ANO1: variants seen among roughly 807,000 people sequenced by gnomAD.
The protein encoded by ANO1 is anoctamin-1.
A neutral mutation model predicts 124.0 loss-of-function variants in ANO1; 59 were observed. That is an observed-to-expected ratio of 0.48 (90% CI 0.39 to 0.59). ANO1 has a LOEUF of 0.59. Ranked by LOEUF, ANO1 falls within the 20% of genes least tolerant of loss-of-function variation. The pLI is 0.00. For synonymous variants in ANO1, 529 were observed against 532.0 expected, an observed-to-expected ratio of 0.99 and a Z score of 0.08; for missense variants, 1,059 against 1,328.0, an observed-to-expected ratio of 0.80 and a Z score of 3.15.
In ANO1 at chr11:70,071,174, A is replaced by T. The variant is rs1196499803; in HGVS notation, c.59-7368A>T. ...TTGTAATTAAAGGCTACTCTGTCCTAATATTTCGGGAATGTGCTGTGATTG... is the reference window on the plus strand; with the variant it reads ...TTGTAATTAAAGGCTACTCTGTCCTTATATTTCGGGAATGTGCTGTGATTG... On this transcript the variant is annotated intron_variant, in intron 1 of 27. Transcript: ENST00000531349. Among the ~76,000 whole-genome samples, 3 of 152,204 alleles carry T rather than the reference A, an allele frequency of 2.0e-5. No homozygotes were observed. The East Asian group carries it at 5.8e-4, about 29-fold the overall frequency.
At chr11:70,050,083 C>T (rs1555006146) in intron 1 of ANO1, among the ~76,000 whole-genome samples, 1 of 152,196 alleles carries the variant, frequency 6.6e-6, no homozygotes, top group African/African-American at 2.4e-5. Flanking sequence ...TCTTCCATCC[C>T]TGGAGATGAC....
rs868989997 is a variant in ANO1, at chr11:70,010,179, G to A, written c.58+24013G>A. Among the ~76,000 whole-genome samples, 60 of 83,782 alleles carry A rather than the reference G, an allele frequency of 7.2e-4. 5 individuals are homozygous for A. The highest frequency in any genetic ancestry group is 4.3e-3 in the South Asian group (9 of 2,110). The allele number at this position is 83,782 out of a possible 152,430, so 55.0% of individuals were successfully genotyped here. A position where few individuals can be genotyped will look rare whatever the true frequency, so the allele number is the denominator to read the frequency against. On this transcript the variant is annotated intron_variant, in intron 1 of 27. Coordinates refer to the ANO1 transcript ENST00000531349. Reference sequence around the variant, plus strand: ...TGTGTGTGTGTGCGCGTGTGTGTGTGTATATATATATATATATATCACATT... The same window carrying A: ...TGTGTGTGTGTGCGCGTGTGTGTGTATATATATATATATATATATCACATT...
At chr11:70,028,064 T>G (rs1856940644) in intron 1 of ANO1, among the ~76,000 whole-genome samples, 1 of 152,136 alleles carries the variant, frequency 6.6e-6, no homozygotes, top group Admixed American at 6.5e-5. Flanking sequence ...AAAGTTAAGG[T>G]ACTACTGATT....
intron 3 of ANO1, 145 bp from the exon 4 acceptor site, chr11:70,103,854 G>A: frequency 1.2e-6 from 1 of 816,592 alleles, no homozygotes; most frequent in Non-Finnish European, 1.8e-6. Context: ...GGGTGGGGCG[G>A]TGCATTCTGG....
At chr11:70,048,338 A>G (rs1174717423) in intron 1 of ANO1, among the ~76,000 whole-genome samples, 1 of 152,210 alleles carries the variant, frequency 6.6e-6, no homozygotes, top group African/African-American at 2.4e-5. Context: ...TTAAGGTTGA[A>G]TAAAGTTTAA....
chr11:70,124,821 C>T (rs1349215291), intron 9 of ANO1, among the ~76,000 whole-genome samples: 2 of 152,200 alleles, frequency 1.3e-5, no homozygotes, highest in East Asian at 1.9e-4. Flanking sequence ...GGTTAGGCAA[C>T]TTGCCCGCCA....
chr11:69,966,168 G>A, the ANO1 span, among the ~76,000 whole-genome samples: 3 of 152,242 alleles, frequency 2.0e-5, no homozygotes, highest in African/African-American at 4.8e-5. Flanking sequence ...AATGCAGGCT[G>A]TGAAACAGGG....
intron 22 of ANO1, among the ~76,000 whole-genome samples, chr11:70,177,513 C>T (rs942944034): frequency 6.6e-6 from 1 of 151,928 alleles, no homozygotes. Context: ...CCGGGCACCA[C>T]AGCCAGCTGT....
At chr11:70,178,406 C>G (rs2048811249) in intron 22 of ANO1, among the ~76,000 whole-genome samples, 1 of 152,088 alleles carries the variant, frequency 6.6e-6, no homozygotes. Flanking sequence ...AAACTGAGGA[C>G]CACTGCACTC....
chr11:70,033,133 G>A (rs576039047), intron 1 of ANO1, among the ~76,000 whole-genome samples: 2 of 152,282 alleles, frequency 1.3e-5, no homozygotes, highest in East Asian at 3.9e-4. Context: ...GTAGATCCAG[G>A]GGTCAGGCTC....
chr11:70,085,553 C>T (rs1412160947), intron 1 of ANO1: 1 of 1,536,092 alleles, frequency 6.5e-7, no homozygotes, highest in Non-Finnish European at 8.7e-7. Flanking sequence ...GTGAGCAATG[C>T]TGTTTCCAGG....
intron 15 of ANO1, among the ~76,000 whole-genome samples, chr11:70,156,321 G>T (rs959059475): frequency 6.6e-6 from 1 of 152,084 alleles, no homozygotes; most frequent in Non-Finnish European, 1.5e-5. Flanking sequence ...TGTCATGCCC[G>T]TCTGCATTCT....
At position 70,180,008 on chromosome 11, in the gene ANO1, C is replaced by T. The variant is rs1331630788; in HGVS notation, c.2355C>T (p.Ile785=). 1 of 1,612,744 alleles carries T rather than the reference C, an allele frequency of 6.2e-7. No homozygotes were observed. The highest frequency in any genetic ancestry group is 8.5e-7 in the Non-Finnish European group (1 of 1,178,792). The part of the protein sequence containing the change: ...PVAVRAKDIG[I]WYNILRGIGK... ...TGTGACTTCTTCTTCCCCCAGGAAT[C>T]TGGTACAATATCCTCAGAGGCATTG... is the stretch of plus-strand genomic sequence containing the variant. Residue 785 remains isoleucine, a synonymous_variant, in exon 23 of 26, where the codon ATC becomes ATT. Coordinates refer to ENST00000355303, the MANE Select transcript of ANO1 (RefSeq NM_018043.7).
intron 1 of ANO1, among the ~76,000 whole-genome samples, chr11:70,024,719 A>T (rs1555002989): frequency 6.6e-6 from 1 of 152,208 alleles, no homozygotes; most frequent in Non-Finnish European, 1.5e-5. Flanking sequence ...CAGCTTGCAG[A>T]GCTGCCTCTG....
intron 22 of ANO1, among the ~76,000 whole-genome samples, chr11:70,174,985 G>A (rs1475225424): frequency 1.3e-5 from 2 of 152,150 alleles, no homozygotes; most frequent in Non-Finnish European, 2.9e-5. Flanking sequence ...AAGGCCTGAT[G>A]CTCAGGCAGC....
chr11:70,085,039 CCTA>C (rs1477508992), intron 1 of ANO1, among the ~76,000 whole-genome samples: 1 of 152,174 alleles, frequency 6.6e-6, no homozygotes, highest in Non-Finnish European at 1.5e-5. Flanking sequence ...AGTCGCGGCT[CCTA>C]CTAAGGGGGG....
chr11:70,102,982 T>C, intron 2 of ANO1, 84 bp from the exon 3 acceptor site: 1 of 934,918 alleles, frequency 1.1e-6, no homozygotes, highest in Non-Finnish European at 1.6e-6. Context: ...GCTCGATAAA[T>C]TGTGGTGGCC....
At chr11:69,968,110 G>A in the ANO1 span, among the ~76,000 whole-genome samples, 2 of 152,124 alleles carry the variant, frequency 1.3e-5, no homozygotes, top group Admixed American at 6.5e-5. Context: ...AAGGTTTATC[G>A]AGTGAATGAA....
At position 70,078,727 on chromosome 11, in the gene ANO1, G is replaced by A; in HGVS notation, c.108+13G>A. ...GTCCGAGGGCACGGTGAGTGCGGGC[G>A]GCCGCGACCCGGGCGGGAGGGCCGC... is the stretch of plus-strand genomic sequence containing the variant. On this transcript the variant is annotated intron_variant, in intron 1 of 25. Coordinates refer to ENST00000355303, the MANE Select transcript of ANO1 (RefSeq NM_018043.7). The A allele has an allele frequency of 5.5e-6, 8 of 1,455,110 alleles. No homozygotes were observed. Among genetic ancestry groups the A allele is most frequent in the Non-Finnish European group, 6.4e-6 (7 of 1,089,410 alleles). 90.1% of individuals were successfully genotyped at this position (1,455,110 alleles called of 1,614,324 possible).
Sources: gnomAD v4.1 joint callset for allele counts (sites outside exome capture counted in the v4.1 genomes callset) on GRCh38, gnomAD v4.1.1 for gene constraint, MANE v1.5 for transcripts, NCBI Gene and HGNC (gene_info 2026-07-23, HGNC 2026-07-21) for gene names.